The following NRXN1 variants were observed in gnomAD, a reference collection of about 807,000 sequenced individuals.
NRXN1 encodes neurexin 1.
NRXN1 carries 39 observed loss-of-function variants against 150.9 expected under a neutral mutation model. That is an observed-to-expected ratio of 0.26 (90% CI 0.20 to 0.34). NRXN1 has a LOEUF of 0.34. NRXN1 is among the 10% of genes least tolerant of loss of function. The pLI, the probability that NRXN1 is intolerant of heterozygous loss-of-function variation, is 1.00. For missense variants in NRXN1, 1,815 were observed against 1,949.9 expected (o/e 0.93, Z 1.30); for synonymous variants, 924 against 757.0 (o/e 1.22, Z -3.62).
At chr2:50,379,974 T>C (rs984330936) in intron 17 of NRXN1, among the ~76,000 whole-genome samples, 2 of 152,112 alleles carry the variant, frequency 1.3e-5, no homozygotes, top group African/African-American at 4.8e-5. Context: ...ATCACAGATT[T>C]ATAAAAACCT....
intron 5 of NRXN1, among the ~76,000 whole-genome samples, chr2:50,726,502 G>A (rs1697380627): frequency 6.6e-6 from 1 of 152,162 alleles, no homozygotes; most frequent in Non-Finnish European, 1.5e-5. Context: ...TTGGTCATTT[G>A]CTATGTGCTA....
rs147984237 is a variant in NRXN1, at chr2:50,506,607, G to C, written c.2385C>G (p.Pro795=). 3.0e-4 allele frequency: 487 copies of C among 1,613,034 alleles called. 1 individual carries two copies. In the African/African-American group the frequency reaches 5.8e-3, roughly 19 times the overall value. Residue 795 remains proline, a synonymous_variant, in exon 13 of 23, where the codon CCC becomes CCG. Transcript: ENST00000401669. ...GGTTATAGCCAGCAAAAAGAGTCTC[G>C]GGACCTTTGCCTGTAGAATATGCCA... The part of the protein sequence containing the change: ...IRINCNSSKG[P]ETLFAGYNLN...
intron 5 of NRXN1, among the ~76,000 whole-genome samples, chr2:50,789,442 A>G (rs1399766806): frequency 1.3e-5 from 2 of 152,210 alleles, no homozygotes; most frequent in African/African-American, 2.4e-5. Context: ...TACGTCTTTC[A>G]TCTTTTGACA....
At chr2:50,695,930 C>G (rs1358399692) in intron 5 of NRXN1, among the ~76,000 whole-genome samples, 1 of 149,308 alleles carries the variant, frequency 6.7e-6, no homozygotes, top group African/African-American at 2.5e-5. Context: ...GCAACCTCTG[C>G]CCTCCAGCTT....
intron 18 of NRXN1, among the ~76,000 whole-genome samples, chr2:50,122,408 C>T (rs1334058563): frequency 6.6e-6 from 1 of 152,230 alleles, no homozygotes; most frequent in Non-Finnish European, 1.5e-5. Context: ...CCCTTGACTA[C>T]TCTAATTAAC....
chr2:50,482,699 G>C lies in NRXN1; in HGVS notation c.3071-10228C>G, dbSNP rs189140798. On this transcript the variant is annotated intron_variant, in intron 15 of 22. Coordinates refer to ENST00000401669, the MANE Select transcript of NRXN1 (RefSeq NM_001330078.2). ...AAATAAGACTGAGACCTACTGGGCT[G>C]GGCTGCATTCCCGAAAGGTTAGATG... Among the ~76,000 whole-genome samples, 525 of 152,174 alleles carry C rather than the reference G, an allele frequency of 3.4e-3. 1 individual carries two copies. Among genetic ancestry groups the C allele is most frequent in the Non-Finnish European group, 1.6e-3 (108 of 68,004 alleles).
chr2:50,595,909 T>C (rs1042453719), intron 8 of NRXN1, among the ~76,000 whole-genome samples: 3 of 152,230 alleles, frequency 2.0e-5, no homozygotes, highest in African/African-American at 7.2e-5. Flanking sequence ...GAATAAACAC[T>C]GTGTTATAGA....
intron 5 of NRXN1, among the ~76,000 whole-genome samples, chr2:50,799,177 A>T (rs1707250533): frequency 6.6e-6 from 1 of 152,158 alleles, no homozygotes; most frequent in Non-Finnish European, 1.5e-5. Context: ...CCGTGGGATG[A>T]TACTGCATTG....
chr2:50,938,367 C>CTGTTATGCT (rs1329294852), intron 2 of NRXN1, among the ~76,000 whole-genome samples: 1 of 152,080 alleles, frequency 6.6e-6, no homozygotes, highest in Admixed American at 6.6e-5. Context: ...GACTAAAACG[C>CTGTTATGCT]TGTTATGCCA....
At chr2:50,535,626 C>A (rs967709743) in intron 10 of NRXN1, among the ~76,000 whole-genome samples, 1 of 152,148 alleles carries the variant, frequency 6.6e-6, no homozygotes, top group African/African-American at 2.4e-5. Context: ...AAAAATAAAG[C>A]AGAAGGGAAG....
chr2:50,100,858 T>G (rs1167379936), intron 18 of NRXN1, among the ~76,000 whole-genome samples: 2 of 152,054 alleles, frequency 1.3e-5, no homozygotes, highest in African/African-American at 2.4e-5. Context: ...ATTATTTTTC[T>G]CCCTGAATAA....
intron 5 of NRXN1, among the ~76,000 whole-genome samples, chr2:50,724,980 G>C (rs1697153883): frequency 6.6e-6 from 1 of 152,102 alleles, no homozygotes. Flanking sequence ...GGTAGGATTA[G>C]AATAGTGAGC....
At chr2:50,751,834 G>C (rs1318708591) in intron 5 of NRXN1, among the ~76,000 whole-genome samples, 1 of 151,862 alleles carries the variant, frequency 6.6e-6, no homozygotes, top group Non-Finnish European at 1.5e-5. Context: ...CTTTCCACAG[G>C]TGTCACTTCT....
intron 5 of NRXN1, among the ~76,000 whole-genome samples, chr2:50,854,972 T>C (rs1157437199): frequency 6.6e-6 from 1 of 151,928 alleles, no homozygotes; most frequent in Admixed American, 6.6e-5. Flanking sequence ...ACTCCAGATA[T>C]TTGAATTATG....
chr2:50,207,213 T>C (rs1311857854), intron 18 of NRXN1, among the ~76,000 whole-genome samples: 3 of 152,136 alleles, frequency 2.0e-5, no homozygotes, highest in African/African-American at 7.2e-5. Flanking sequence ...CTACCTGATT[T>C]AAAATACAAA....
At chr2:50,790,265 A>G (rs1208964657) in intron 5 of NRXN1, among the ~76,000 whole-genome samples, 2 of 152,128 alleles carry the variant, frequency 1.3e-5, no homozygotes, top group Non-Finnish European at 2.9e-5. Context: ...TCTCTGGGGA[A>G]TCCAATCTTG....
chr2:50,701,679 T>G (rs900044988), intron 5 of NRXN1, among the ~76,000 whole-genome samples: 1 of 152,194 alleles, frequency 6.6e-6, no homozygotes. Context: ...TCATTCAGTA[T>G]TTGCATCACA....
At chr2:50,564,339 A>C (rs1232910867) in intron 8 of NRXN1, among the ~76,000 whole-genome samples, 1 of 152,134 alleles carries the variant, frequency 6.6e-6, no homozygotes, top group Non-Finnish European at 1.5e-5. Flanking sequence ...GTAAGAGGGG[A>C]GTGTTCATTA....
chr2:50,694,890 C>T (rs1227581602), intron 5 of NRXN1, among the ~76,000 whole-genome samples: 1 of 152,138 alleles, frequency 6.6e-6, no homozygotes, highest in Non-Finnish European at 1.5e-5. Flanking sequence ...GGGGTATTCT[C>T]TTGATTGGGT....
Sources: gnomAD v4.1 joint callset for allele counts (sites outside exome capture counted in the v4.1 genomes callset) on GRCh38, gnomAD v4.1.1 for gene constraint, MANE v1.5 for transcripts, NCBI Gene and HGNC (gene_info 2026-07-23, HGNC 2026-07-21) for gene names.